Variants in ANKRD34C observed in about 807,000 individuals in gnomAD.
ANKRD34C encodes ankyrin repeat domain-containing protein 34C.
For synonymous variants in ANKRD34C, 260 were observed against 253.6 expected (o/e 1.03, Z -0.24); for missense variants, 563 against 653.0 (o/e 0.86, Z 1.50).
intron 1 of ANKRD34C, among the ~76,000 whole-genome samples, chr15:79,288,318 C>T (rs1262955661): frequency 1.3e-5 from 2 of 152,180 alleles, no homozygotes; most frequent in Non-Finnish European, 1.5e-5. Flanking sequence ...CGTTATTGAG[C>T]TAGCCACAGC....
rs1214302812 is a variant in ANKRD34C, at chr15:79,293,850, C to T, written c.566C>T (p.Ser189Phe). The T allele has an allele frequency of 5.2e-6, 8 of 1,551,734 alleles. No individual in the cohort carries two copies. The highest frequency in any genetic ancestry group is 1.4e-5 in the African/African-American group (1 of 73,192). Residue 189 changes from serine to phenylalanine, a missense_variant, in exon 2 of 2, where the codon TCT becomes TTT. By Grantham distance (155) the Ser-to-Phe change is radical. Coordinates refer to ENST00000421388, the MANE Select transcript of ANKRD34C (RefSeq NM_001146341.2). ...RHSPPLCASP[S>F]DIELKALGLD... Reference sequence around the variant, plus strand: ...TCACCTCCACTGTGTGCGTCTCCCTCTGACATAGAGCTGAAGGCTCTAGGC... The same window carrying T: ...TCACCTCCACTGTGTGCGTCTCCCTTTGACATAGAGCTGAAGGCTCTAGGC...
intron 1 of ANKRD34C, among the ~76,000 whole-genome samples, chr15:79,290,015 CCTTCTT>C (rs576513337): frequency 4.0e-5 from 6 of 151,748 alleles, no homozygotes; most frequent in African/African-American, 1.5e-4. Context: ...TTATCTATTT[CCTTCTT>C]CTTCTTCTTT....
In ANKRD34C at chr15:79,296,637, T is replaced by G. The variant is rs1314811294; in HGVS notation, c.*1745T>G. 6.0e-6 allele frequency: 1 copy of G among 167,100 alleles called. No homozygotes were observed. Among genetic ancestry groups the G allele is most frequent in the Non-Finnish European group, 1.5e-5 (1 of 68,128 alleles). 10.4% of individuals were successfully genotyped at this position (167,100 alleles called of 1,614,324 possible). On this transcript the variant is annotated 3_prime_UTR_variant, in exon 2 of 2. Transcript: ENST00000421388. ...CTTTGCTAGAAATTTATCTGAATAT[T>G]CCAAACAAAAGTGTTAATGATGGTT...
chr15:79,291,006 G>T (rs1031917357), intron 1 of ANKRD34C, among the ~76,000 whole-genome samples: 2 of 152,146 alleles, frequency 1.3e-5, no homozygotes, highest in African/African-American at 4.8e-5. Context: ...ATCTTTTTAT[G>T]TGCTTATTGG....
intron 1 of ANKRD34C, among the ~76,000 whole-genome samples, chr15:79,289,389 A>T (rs115425098): frequency 6.6e-6 from 1 of 152,176 alleles, no homozygotes; most frequent in African/African-American, 2.4e-5. Flanking sequence ...CACAGAAAAG[A>T]ACCTGTATGC....
Position 79,295,590 on chromosome 15 carries a change from C to G in ANKRD34C, c.*698C>G, listed in dbSNP as rs573815402. ...GCTGATGCCTTAGAGATAAATCTTG[C>G]TCCAGAAATGAAACTTTCCCCAGAC... On this transcript the variant is annotated 3_prime_UTR_variant, in exon 2 of 2. Coordinates refer to ENST00000421388, the MANE Select transcript of ANKRD34C (RefSeq NM_001146341.2). 1 of 167,202 alleles carries G rather than the reference C, an allele frequency of 6.0e-6. No homozygotes were observed. The highest frequency in any genetic ancestry group is 2.1e-4 in the South Asian group (1 of 4,826). 10.4% of individuals were successfully genotyped at this position (167,202 alleles called of 1,614,324 possible). A position where few individuals can be genotyped will look rare whatever the true frequency, so the allele number is the denominator to read the frequency against.
intron 1 of ANKRD34C, chr15:79,283,909 C>G (rs2058636409): frequency 6.6e-6 from 1 of 152,256 alleles, no homozygotes; most frequent in Non-Finnish European, 1.5e-5. Flanking sequence ...GCTCTCGAAT[C>G]GCAAAAGCAA....
At chr15:79,290,793 G>A (rs2058657111) in intron 1 of ANKRD34C, among the ~76,000 whole-genome samples, 1 of 152,156 alleles carries the variant, frequency 6.6e-6, no homozygotes, top group Non-Finnish European at 1.5e-5. Context: ...ACTACCACAG[G>A]TATAAACCTA....
In ANKRD34C at chr15:79,293,575, T is replaced by TG; in HGVS notation, c.296dup (p.Glu100ArgfsTer16). 1 of 1,551,634 alleles carries TG rather than the reference T, an allele frequency of 6.4e-7. No homozygotes were observed. The highest frequency in any genetic ancestry group is 8.7e-7 in the Non-Finnish European group (1 of 1,146,950). On this transcript the variant is annotated frameshift_variant, in exon 2 of 2. Coordinates refer to ENST00000421388, the MANE Select transcript of ANKRD34C (RefSeq NM_001146341.2). LOFTEE classifies it low-confidence loss of function (END_TRUNC). ...TCATCCATGCCTGTATCAGAAGAGCTGGGGGAGAAGTGGTCTCCTTATTAC... is the reference window on the plus strand; with the variant it reads ...TCATCCATGCCTGTATCAGAAGAGCTGGGGGGAGAAGTGGTCTCCTTATTAC...
rs1023276782 is a variant in ANKRD34C at position 79,298,140 on chromosome 15, T to C, written c.*3248T>C. The C allele has an allele frequency of 1.2e-4, 20 of 167,162 alleles. No individual in the cohort carries two copies. Among genetic ancestry groups the C allele is most frequent in the African/African-American group, 4.6e-4 (19 of 41,570 alleles). 10.4% of individuals were successfully genotyped at this position (167,162 alleles called of 1,614,324 possible). On this transcript the variant is annotated 3_prime_UTR_variant, in exon 2 of 2. Coordinates refer to ENST00000421388, the MANE Select transcript of ANKRD34C (RefSeq NM_001146341.2). Reference sequence around the variant, plus strand: ...GATTCTCTACAGTGTTCCTTCCTAGTCTCAAGCTGATGATGTGCTCAAAGA... The same window carrying C: ...GATTCTCTACAGTGTTCCTTCCTAGCCTCAAGCTGATGATGTGCTCAAAGA...
At position 79,294,355 on chromosome 15, in the gene ANKRD34C, T is replaced by G; in HGVS notation, c.1071T>G (p.Gly357=). The G allele has an allele frequency of 6.4e-7, 1 of 1,551,312 alleles. No homozygotes were observed. Among genetic ancestry groups the G allele is most frequent in the African/African-American group, 1.4e-5 (1 of 73,162 alleles). Residue 357 remains glycine, a synonymous_variant, in exon 2 of 2, where the codon GGT becomes GGG. Transcript: ENST00000421388. The part of the protein sequence containing the change: ...GTLPVDQEKC[G]MGPSGPSALK... ...TCCCTGTTGACCAAGAGAAATGTGG[T>G]ATGGGTCCATCAGGACCCTCTGCTC... is the stretch of plus-strand genomic sequence containing the variant.
chr15:79,290,834 T>C (rs970886217), intron 1 of ANKRD34C, among the ~76,000 whole-genome samples: 5 of 152,180 alleles, frequency 3.3e-5, no homozygotes, highest in African/African-American at 4.8e-5. Flanking sequence ...GAGTGTGGGC[T>C]TTGGTTCAGT....
chr15:79,287,618 A>C (rs1401027373), intron 1 of ANKRD34C, among the ~76,000 whole-genome samples: 3 of 152,250 alleles, frequency 2.0e-5, no homozygotes. Context: ...TGTTTAGTCA[A>C]GGTTTACTTG....
chr15:79,294,086 C>G lies in ANKRD34C; in HGVS notation c.802C>G (p.Arg268Gly). The G allele has an allele frequency of 6.4e-7, 1 of 1,551,548 alleles. No individual in the cohort carries two copies. The highest frequency in any genetic ancestry group is 2.4e-5 in the East Asian group (1 of 40,918). Residue 268 changes from arginine to glycine, a missense_variant, in exon 2 of 2, where the codon CGT (arginine) becomes GGT (glycine). Physicochemically the swap from Arg to Gly is moderately radical, Grantham distance 125 (BLOSUM62 -2). Coordinates refer to ENST00000421388, the MANE Select transcript of ANKRD34C (RefSeq NM_001146341.2). ...GCCCTCGGTGCTGGCAGCCTCGACG[C>G]GTCAGGATGAGACCCATGGTGCCAG... ...IAPSVLAAST[R>G]QDETHGASTD...
chr15:79,294,896 C>T lies in ANKRD34C; in HGVS notation c.*4C>T. 6.6e-7 allele frequency: 1 copy of T among 1,524,604 alleles called. No individual in the cohort carries two copies. 94.4% of individuals were successfully genotyped at this position (1,524,604 alleles called of 1,614,324 possible). On this transcript the variant is annotated 3_prime_UTR_variant, in exon 2 of 2. Coordinates refer to ENST00000421388, the MANE Select transcript of ANKRD34C (RefSeq NM_001146341.2). ...TTTTGAAGAAATCATGACCTAGAAG[C>T]TTTAGAAAGGCTTAAAATAGTCAAT...
chr15:79,291,260 A>G (rs768833881), intron 1 of ANKRD34C, among the ~76,000 whole-genome samples: 1 of 152,216 alleles, frequency 6.6e-6, no homozygotes, highest in Admixed American at 6.5e-5. Flanking sequence ...AGAATCGTGC[A>G]TTTGAGAAAT....
At chr15:79,293,211 A>G in intron 1 of ANKRD34C, 30 bp from the exon 2 acceptor site, 2 of 1,389,956 alleles carry the variant, frequency 1.4e-6, no homozygotes, top group Non-Finnish European at 1.9e-6. Context: ...TAAAACATAT[A>G]ACATTTGTTC....
At position 79,294,559 on chromosome 15, in the gene ANKRD34C, T is replaced by G. The variant is rs1306935867; in HGVS notation, c.1275T>G (p.Thr425=). Residue 425 remains threonine, a synonymous_variant, in exon 2 of 2, where the codon ACT becomes ACG. Transcript: ENST00000421388. ...LFHGSRESLD[T]VPSTSPSSAR... ...ATGGCTCTCGGGAGTCCCTGGACAC[T>G]GTACCTAGCACATCCCCCAGCTCAG... 7.7e-6 allele frequency: 12 copies of G among 1,551,710 alleles called. No individual in the cohort carries two copies. Among genetic ancestry groups the G allele is most frequent in the South Asian group, 5.9e-5 (5 of 84,064 alleles).
In ANKRD34C at chr15:79,296,266, A is replaced by T. The variant is rs1947825787; in HGVS notation, c.*1374A>T. On this transcript the variant is annotated 3_prime_UTR_variant, in exon 2 of 2. Transcript: ENST00000421388. ...TTGAGGAGGCAGCTTAACTTCTCTT[A>T]GTCTCTGTTCCCTCATCTGTAAAAT... 1 of 166,744 alleles carries T rather than the reference A, an allele frequency of 6.0e-6. No homozygotes were observed. Among genetic ancestry groups the T allele is most frequent in the African/African-American group, 2.4e-5 (1 of 41,454 alleles). 10.3% of individuals were successfully genotyped at this position (166,744 alleles called of 1,614,324 possible). A position where few individuals can be genotyped will look rare whatever the true frequency, so the allele number is the denominator to read the frequency against.
Sources: allele counts gnomAD v4.1 joint callset (sites outside exome capture counted in the v4.1 genomes callset), GRCh38; gene constraint gnomAD v4.1.1; transcripts MANE v1.5; gene names NCBI Gene and HGNC (gene_info 2026-07-23, HGNC 2026-07-21).